Variants in KIFAP3 observed in about 807,000 individuals in gnomAD.
The protein encoded by KIFAP3 is kinesin associated protein 3.
KIFAP3 carries 68 observed loss-of-function variants against 106.5 expected under a neutral mutation model. The observed-to-expected ratio is 0.64, with a 90% CI of 0.53 to 0.78. The LOEUF is 0.78. Among genes scored for constraint, KIFAP3 ranks in the 30% least tolerant of loss-of-function variants. The pLI is 0.00. For missense variants in KIFAP3, 780 were observed against 941.8 expected (o/e 0.83, Z 2.25); for synonymous variants, 320 against 311.5 (o/e 1.03, Z -0.29).
At chr1:170,062,031 G>GC (rs908859823) in intron 1 of KIFAP3, among the ~76,000 whole-genome samples, 1 of 152,024 alleles carries the variant, frequency 6.6e-6, no homozygotes, top group African/African-American at 2.4e-5. Flanking sequence ...GGAGAGGGGG[G>GC]AGGGATAGCA....
intron 9 of KIFAP3, among the ~76,000 whole-genome samples, chr1:170,020,058 T>A (rs1014130200): frequency 1.3e-5 from 2 of 152,178 alleles, no homozygotes; most frequent in African/African-American, 4.8e-5. Context: ...AAACTGGTAA[T>A]TTTTTAAACT....
chr1:170,073,528 A>G, intron 1 of KIFAP3, among the ~76,000 whole-genome samples: 1 of 152,200 alleles, frequency 6.6e-6, no homozygotes, highest in Middle Eastern at 3.2e-3. Flanking sequence ...TTCATTTTTT[A>G]AAAGTATTTC....
chr1:170,034,675 A>G (rs903784461), intron 6 of KIFAP3, among the ~76,000 whole-genome samples, 179 bp from the exon 7 acceptor site: 2 of 151,930 alleles, frequency 1.3e-5, no homozygotes, highest in Non-Finnish European at 2.9e-5. Context: ...TACTTTAAAT[A>G]TATCACACTA....
At chr1:170,053,595 A>AGTAT (rs1670687601) in intron 2 of KIFAP3, among the ~76,000 whole-genome samples, 1 of 152,210 alleles carries the variant, frequency 6.6e-6, no homozygotes, top group Non-Finnish European at 1.5e-5. Context: ...TTCAAACTAT[A>AGTAT]CTACAAGGCT....
chr1:170,084,572 C>T (rs147528833), intron 1 of KIFAP3, among the ~76,000 whole-genome samples: 165 of 152,274 alleles, frequency 1.1e-3, no homozygotes, highest in African/African-American at 3.9e-3. Flanking sequence ...AGGATAGAGA[C>T]TCACAGTAGG....
At chr1:170,012,311 G>T (rs528157739) in intron 10 of KIFAP3, among the ~76,000 whole-genome samples, 6 of 152,132 alleles carry the variant, frequency 3.9e-5, no homozygotes, top group East Asian at 1.9e-4. Context: ...CTTGGGCATG[G>T]TAATAATATT....
chr1:169,993,205 T>G (rs576597096), intron 10 of KIFAP3, among the ~76,000 whole-genome samples: 1 of 151,648 alleles, frequency 6.6e-6, no homozygotes, highest in African/African-American at 2.4e-5. Context: ...CCTCCCAGGT[T>G]CAAGGGATTC....
chr1:169,990,888 T>C (rs1000574249), intron 11 of KIFAP3, among the ~76,000 whole-genome samples: 1 of 152,038 alleles, frequency 6.6e-6, no homozygotes, highest in African/African-American at 2.4e-5. Context: ...CATTTTCCCA[T>C]CAGAGAATGC....
intron 10 of KIFAP3, among the ~76,000 whole-genome samples, chr1:170,002,282 C>G (rs938733001): frequency 6.6e-6 from 1 of 152,146 alleles, no homozygotes; most frequent in African/African-American, 2.4e-5. Context: ...AGGTGCCATT[C>G]TTACTCTCAA....
chr1:169,950,889 A>G (rs1664694411), intron 19 of KIFAP3, among the ~76,000 whole-genome samples: 3 of 152,016 alleles, frequency 2.0e-5, no homozygotes, highest in Admixed American at 2.0e-4. Context: ...ATTGAAATAT[A>G]TGAATAATTA....
chr1:169,961,041 A>G lies in KIFAP3; in HGVS notation c.2173+5T>C, dbSNP rs377488552. ...TAAACTGTTTACTTTCGCTTTGGTT[A>G]TCACCTGAGTTGTAGAAAAGGTCAG... On this transcript the variant is annotated splice_donor_5th_base_variant and intron_variant, in intron 18 of 19. Transcript: ENST00000361580. 2.5e-6 allele frequency: 4 copies of G among 1,609,444 alleles called. No homozygotes were observed. The highest frequency in any genetic ancestry group is 3.4e-6 in the Non-Finnish European group (4 of 1,177,824).
chr1:170,030,642 C>A (rs557101478), intron 8 of KIFAP3, among the ~76,000 whole-genome samples: 11 of 151,754 alleles, frequency 7.2e-5, no homozygotes, highest in African/African-American at 2.4e-4. Flanking sequence ...TTGATAAATG[C>A]AATAATATGG....
chr1:169,930,328 A>C (rs1015296759), intron 19 of KIFAP3, among the ~76,000 whole-genome samples: 4 of 152,234 alleles, frequency 2.6e-5, no homozygotes, highest in Non-Finnish European at 5.9e-5. Flanking sequence ...AACAAGGCTT[A>C]TCAAATTTAA....
intron 7 of KIFAP3, among the ~76,000 whole-genome samples, chr1:170,033,582 A>G (rs936871199): frequency 3.3e-5 from 5 of 151,792 alleles, no homozygotes; most frequent in African/African-American, 1.2e-4. Context: ...CTAAAATATG[A>G]TAAATATCTT....
intron 8 of KIFAP3, 46 bp from the exon 9 acceptor site, chr1:170,024,642 TTAA>T (rs772652596): frequency 8.9e-7 from 1 of 1,128,986 alleles, no homozygotes; most frequent in South Asian, 2.1e-5. Context: ...GTATACTGAA[TTAA>T]TAATTTAGAA....
chr1:170,080,273 T>C (rs1671999455), intron 1 of KIFAP3, among the ~76,000 whole-genome samples: 1 of 152,072 alleles, frequency 6.6e-6, no homozygotes. Flanking sequence ...AAAGATGCCC[T>C]AGGAAAATGG....
At chr1:170,035,334 G>T in intron 6 of KIFAP3, 120 bp downstream of exon 6, 1 of 554,320 alleles carries the variant, frequency 1.8e-6, no homozygotes, top group Non-Finnish European at 3.2e-6. Context: ...TTCAGCAGTA[G>T]AGCATAGGCA....
chr1:170,078,688 A>G (rs148644531), upstream of KIFAP3, among the ~76,000 whole-genome samples: 185 of 152,326 alleles, frequency 1.2e-3, 2 homozygotes, highest in East Asian at 0.029. Flanking sequence ...CCCACAAAAT[A>G]CACTTCAGAC....
intron 3 of KIFAP3, among the ~76,000 whole-genome samples, chr1:170,045,903 T>C (rs1002736817): frequency 1.3e-5 from 2 of 152,140 alleles, no homozygotes; most frequent in East Asian, 3.9e-4. Flanking sequence ...TCTCTGACAT[T>C]AGAATCATAA....
Sources: allele counts gnomAD v4.1 joint callset (sites outside exome capture counted in the v4.1 genomes callset), GRCh38; gene constraint gnomAD v4.1.1; transcripts MANE v1.5; gene names NCBI Gene and HGNC (gene_info 2026-07-23, HGNC 2026-07-21).